The following EHMT1 variants were observed in gnomAD, a reference collection of about 807,000 sequenced individuals.
EHMT1 encodes the protein histone-lysine N-methyltransferase EHMT1.
Under a neutral mutation model 147.2 loss-of-function variants are expected in EHMT1, and 15 were observed. The observed-to-expected ratio is 0.10, with a 90% CI of 0.07 to 0.16. The LOEUF (loss-of-function observed/expected upper bound fraction) is 0.16. Ranked by LOEUF, EHMT1 falls within the 10% of genes least tolerant of loss-of-function variation. EHMT1 has a pLI of 1.00. For synonymous variants in EHMT1, 795 were observed against 709.6 expected, an observed-to-expected ratio of 1.12 and a Z score of -1.91; for missense variants, 1,587 against 1,772.4, an observed-to-expected ratio of 0.90 and a Z score of 1.88.
chr9:137,697,171 C>T (rs1277843935), intron 1 of EHMT1: 4 of 347,000 alleles, frequency 1.2e-5, no homozygotes, highest in Admixed American at 3.0e-5. Context: ...ATCCCAGCTA[C>T]TTGGGAGGCT....
intron 15 of EHMT1, among the ~76,000 whole-genome samples, chr9:137,789,424 A>G (rs1952323742): frequency 6.6e-6 from 1 of 152,194 alleles, no homozygotes; most frequent in Admixed American, 6.5e-5. Context: ...GCAGAGCCAC[A>G]GCTCCTCTGC....
intron 1 of EHMT1, among the ~76,000 whole-genome samples, chr9:137,677,766 A>T (rs1392922631): frequency 6.6e-6 from 1 of 152,090 alleles, no homozygotes; most frequent in East Asian, 1.9e-4. Context: ...TCTTAAAAAA[A>T]TAGTATTGTC....
intron 2 of EHMT1, chr9:137,715,500 G>A (rs1284363721): frequency 2.0e-6 from 2 of 975,882 alleles, no homozygotes; most frequent in Non-Finnish European, 2.4e-6. Flanking sequence ...GGTCTGTTGT[G>A]CTCGAGGTGA....
At chr9:137,679,196 G>A (rs1378193644) in intron 1 of EHMT1, among the ~76,000 whole-genome samples, 1 of 152,108 alleles carries the variant, frequency 6.6e-6, no homozygotes, top group Non-Finnish European at 1.5e-5. Flanking sequence ...TGATCTGCCC[G>A]CCTCGGCCTC....
intron 4 of EHMT1, among the ~76,000 whole-genome samples, chr9:137,730,080 T>C (rs185605548): frequency 2.1e-3 from 321 of 152,362 alleles, no homozygotes; most frequent in Non-Finnish European, 3.8e-3. Flanking sequence ...TTTCATAGAA[T>C]GTGTCTGATG....
chr9:137,781,338 CGTGTGGTGATGACGCT>C, intron 14 of EHMT1, among the ~76,000 whole-genome samples: 1 of 111,074 alleles, frequency 9.0e-6, no homozygotes, highest in Non-Finnish European at 1.9e-5. Flanking sequence ...GACGCTGAGA[CGTGTGGTGATGACGCT>C]GAGACGTGTG....
rs537513348 is a variant in EHMT1, at chr9:137,721,548, C to T, written c.642+4366C>T. ...GCCTCTCACCCTCTCCCACGCCTCT[C>T]ACCTTCTCCCACGCCTCTCATCCTC... On this transcript the variant is annotated intron_variant, in intron 3 of 26. Coordinates refer to ENST00000460843, the MANE Select transcript of EHMT1 (RefSeq NM_024757.5). 9.6e-4 allele frequency among the ~76,000 whole-genome samples: 128 copies of T among 132,974 alleles called. 2 individuals carry two copies. Among genetic ancestry groups the T allele is most frequent in the Non-Finnish European group, 1.4e-3 (88 of 62,246 alleles). 87.2% of individuals were successfully genotyped at this position (132,974 alleles called of 152,430 possible). A position where few individuals can be genotyped will look rare whatever the true frequency, so the allele number is the denominator to read the frequency against.
At chr9:137,744,443 C>T (rs897235055) in intron 6 of EHMT1, among the ~76,000 whole-genome samples, 20 of 152,098 alleles carry the variant, frequency 1.3e-4, no homozygotes, top group African/African-American at 3.4e-4. Flanking sequence ...CCCAGCCCCC[C>T]GAGCAGCTGG....
At chr9:137,690,662 C>T (rs542290584) in intron 1 of EHMT1, among the ~76,000 whole-genome samples, 8 of 152,200 alleles carry the variant, frequency 5.3e-5, no homozygotes, top group South Asian at 4.2e-4. Flanking sequence ...CTCTGCCTCC[C>T]GGGTTCAAGT....
intron 18 of EHMT1, chr9:137,802,615 A>G (rs1048815839): frequency 1.5e-5 from 6 of 405,672 alleles, no homozygotes; most frequent in Non-Finnish European, 2.6e-5. Flanking sequence ...CTTGCCATTC[A>G]TTGTTGGCAC....
intron 10 of EHMT1, among the ~76,000 whole-genome samples, chr9:137,770,689 G>T (rs544092478): frequency 6.6e-6 from 1 of 152,308 alleles, no homozygotes; most frequent in East Asian, 1.9e-4. Flanking sequence ...ACCTTGTTCA[G>T]CAAGACAGAA....
chr9:137,670,169 C>T (rs1940403729), intron 1 of EHMT1, among the ~76,000 whole-genome samples: 1 of 152,156 alleles, frequency 6.6e-6, no homozygotes, highest in African/African-American at 2.4e-5. Context: ...CTGAAAAAAG[C>T]TTTTCTTGAT....
At chr9:137,750,785 A>G (rs1315571735) in intron 6 of EHMT1, among the ~76,000 whole-genome samples, 1 of 152,162 alleles carries the variant, frequency 6.6e-6, no homozygotes, top group Non-Finnish European at 1.5e-5. Context: ...GCCGGAGGGG[A>G]CGCTTACTCA....
chr9:137,717,137 G>A lies in EHMT1; in HGVS notation c.597G>A (p.Lys199=), dbSNP rs1312496277. The change falls in exon 3 of 27, where the codon AAG becomes AAA. Residue 199 remains lysine (K), a synonymous_variant. Transcript: ENST00000460843. ...TCCCGGCCCCTGGCGCCGACGTCAA[G>A]GTCCACAGGGCACGCAAGACCATGC... ...RKLPAPGADV[K]VHRARKTMPK... 1 of 1,612,524 alleles carries A rather than the reference G, an allele frequency of 6.2e-7. No individual in the cohort carries two copies. Among genetic ancestry groups the A allele is most frequent in the Non-Finnish European group, 8.5e-7 (1 of 1,179,950 alleles).
At chr9:137,824,593 C>G (rs1476596426) in intron 25 of EHMT1, among the ~76,000 whole-genome samples, 1 of 152,158 alleles carries the variant, frequency 6.6e-6, no homozygotes, top group Non-Finnish European at 1.5e-5. Context: ...TGGCCATTAT[C>G]GCATTGAGCC....
In EHMT1 at chr9:137,776,294, G is replaced by A. The variant is rs1373474458; in HGVS notation, c.1792-324G>A. On this transcript the variant is annotated intron_variant, in intron 11 of 26. Coordinates refer to ENST00000460843, the MANE Select transcript of EHMT1 (RefSeq NM_024757.5). This position sits in a 1 kb window ranked among gnomAD's most constrained non-coding sequence, Gnocchi z 4.4. ...CTGTCGTCTGTCCCTGTCCCTATCC[G>A]CCCTTCAGAGTAGGGGCCTTCTGGG... is the stretch of plus-strand genomic sequence containing the variant. 1.3e-5 allele frequency among the ~76,000 whole-genome samples: 2 copies of A among 152,082 alleles called. No individual in the cohort carries two copies. The highest frequency in any genetic ancestry group is 2.9e-5 in the Non-Finnish European group (2 of 68,032).
chr9:137,687,176 T>C (rs963887271), intron 1 of EHMT1, among the ~76,000 whole-genome samples: 3 of 152,224 alleles, frequency 2.0e-5, no homozygotes, highest in Admixed American at 2.0e-4. Flanking sequence ...TCAATCCCAT[T>C]GATGTGTGTA....
intron 15 of EHMT1, chr9:137,788,421 A>G: frequency 4.4e-6 from 1 of 229,038 alleles, no homozygotes; most frequent in Non-Finnish European, 8.5e-6. Context: ...TTGCAGGTTT[A>G]GGGATCTTGT....
At chr9:137,759,467 C>T (rs1021717584) in intron 9 of EHMT1, among the ~76,000 whole-genome samples, 1 of 152,178 alleles carries the variant, frequency 6.6e-6, no homozygotes, top group South Asian at 2.1e-4. Flanking sequence ...GGCCGTTCCA[C>T]CTGTCAGTGT....
Sources: gnomAD v4.1 joint callset for allele counts (sites outside exome capture counted in the v4.1 genomes callset) on GRCh38, gnomAD v4.1.1 for gene constraint, Gnocchi (gnomAD v3.1) non-coding constraint, MANE v1.5 for transcripts, NCBI Gene and HGNC (gene_info 2026-07-23, HGNC 2026-07-21) for gene names.